The following CSMD1 variants were observed in gnomAD, a reference collection of about 807,000 sequenced individuals.
CSMD1 encodes CUB and sushi domain-containing protein 1.
CSMD1 carries 213 observed loss-of-function variants against 417.5 expected under a neutral mutation model. The ratio of observed to expected loss-of-function variants is 0.51; its 90% CI spans 0.46 to 0.57. The LOEUF (loss-of-function observed/expected upper bound fraction) is 0.57. Ranked by LOEUF, CSMD1 falls within the 20% of genes least tolerant of loss-of-function variation. The pLI is 0.00. For missense variants in CSMD1, 6,923 were observed against 4,529.7 expected, an observed-to-expected ratio of 1.53 and a Z score of -15.17; for synonymous variants, 2,862 against 1,736.8, an observed-to-expected ratio of 1.65 and a Z score of -16.11.
chr8:3,493,056 G>A lies in CSMD1; in HGVS notation c.1448+567C>T, dbSNP rs12676041. ...ACCTGTAATCCCCAACACTTTGGGA[G>A]GCTGAAGTGGGCAAATCACCAGAGG... On this transcript the variant is annotated intron_variant, in intron 11 of 69. Coordinates refer to ENST00000635120, the MANE Select transcript of CSMD1 (RefSeq NM_033225.6). Among the ~76,000 whole-genome samples the A allele has an allele frequency of 1.5e-4, 23 of 152,262 alleles. No homozygotes were observed. The East Asian group carries it at 3.9e-3, about 26-fold the overall frequency.
chr8:4,328,239 AC>A (rs1799668177), intron 3 of CSMD1, among the ~76,000 whole-genome samples: 2 of 134,280 alleles, frequency 1.5e-5, no homozygotes, highest in African/African-American at 5.9e-5. Context: ...TGCACTCAAT[AC>A]AATTTTTTTT....
At chr8:4,602,203 C>T (rs754213966) in intron 2 of CSMD1, among the ~76,000 whole-genome samples, 1 of 152,134 alleles carries the variant, frequency 6.6e-6, no homozygotes, top group East Asian at 1.9e-4. Flanking sequence ...GAGGCATTGC[C>T]TTTCCACCCT....
Position 3,574,870 on chromosome 8 carries a change from G to C in CSMD1, c.1344+75C>G, listed in dbSNP as rs1204754482. On this transcript the variant is annotated intron_variant, in intron 10 of 69. Transcript: ENST00000635120. ...GTGTAAGCACGGATAGCATTTGCTG[G>C]GCTGTTTGCTTCAACAATAGATCCT... 7 of 1,496,228 alleles carry C rather than the reference G, an allele frequency of 4.7e-6. No individual in the cohort carries two copies. In the African/African-American group the frequency reaches 9.8e-5, roughly 21 times the overall value. The allele number at this position is 1,496,228 out of a possible 1,614,324, so 92.7% of individuals were successfully genotyped here. A position where few individuals can be genotyped will look rare whatever the true frequency, so the allele number is the denominator to read the frequency against.
intron 2 of CSMD1, among the ~76,000 whole-genome samples, chr8:4,476,772 T>C (rs1800825092): frequency 6.6e-6 from 1 of 152,162 alleles, no homozygotes; most frequent in Non-Finnish European, 1.5e-5. Context: ...AAGGATTAGA[T>C]GGCACAGAGA....
intron 39 of CSMD1, among the ~76,000 whole-genome samples, chr8:3,157,188 G>A (rs1367430478): frequency 1.3e-5 from 2 of 151,998 alleles, no homozygotes; most frequent in Admixed American, 6.6e-5. Flanking sequence ...AGGTTTCTGA[G>A]TTGGGCTACA....
At chr8:3,447,526 G>C (rs1476305170) in intron 12 of CSMD1, among the ~76,000 whole-genome samples, 1 of 152,196 alleles carries the variant, frequency 6.6e-6, no homozygotes, top group Non-Finnish European at 1.5e-5. Flanking sequence ...TGTGCGGCTG[G>C]TGTGGGACAG....
chr8:4,571,694 T>G (rs1055082517), intron 2 of CSMD1, among the ~76,000 whole-genome samples: 1 of 152,220 alleles, frequency 6.6e-6, no homozygotes, highest in Admixed American at 6.5e-5. Context: ...GTTAATTTTC[T>G]GTCTCTTTGA....
At chr8:4,004,757 G>C (rs1046709875) in intron 4 of CSMD1, among the ~76,000 whole-genome samples, 3 of 151,880 alleles carry the variant, frequency 2.0e-5, no homozygotes, top group Non-Finnish European at 2.9e-5. Context: ...GTTTTGTTTT[G>C]TTTTTGAGAT....
At chr8:4,924,079 G>C (rs1806689563) in intron 1 of CSMD1, among the ~76,000 whole-genome samples, 1 of 152,158 alleles carries the variant, frequency 6.6e-6, no homozygotes. Context: ...TGATGAACAA[G>C]ACAAGTTTCT....
chr8:3,230,475 A>G (rs1309094245), intron 26 of CSMD1, among the ~76,000 whole-genome samples: 2 of 145,132 alleles, frequency 1.4e-5, no homozygotes, highest in African/African-American at 5.1e-5. Context: ...GATGAAATAT[A>G]TCAAGGGTTT....
intron 12 of CSMD1, among the ~76,000 whole-genome samples, chr8:3,446,424 C>G (rs901117578): frequency 6.6e-6 from 1 of 152,108 alleles, no homozygotes; most frequent in Non-Finnish European, 1.5e-5. Context: ...TACAATGTAT[C>G]CTGACAAAAA....
intron 7 of CSMD1, among the ~76,000 whole-genome samples, chr8:3,671,544 TGATCATATATATGATC>T (rs1344169046): frequency 0.34 from 4,701 of 13,818 alleles, 703 homozygotes; most frequent in East Asian, 0.51. Flanking sequence ...TATATATATA[TGATCATATATATGATC>T]ATATATATAT....
chr8:3,674,147 A>G (rs1256659813), intron 7 of CSMD1, among the ~76,000 whole-genome samples: 2 of 152,188 alleles, frequency 1.3e-5, no homozygotes, highest in South Asian at 2.1e-4. Flanking sequence ...CCATTTGTCA[A>G]TGTTGAGCAA....
At chr8:4,562,121 G>C (rs537380404) in intron 2 of CSMD1, among the ~76,000 whole-genome samples, 1 of 152,296 alleles carries the variant, frequency 6.6e-6, no homozygotes, top group South Asian at 2.1e-4. Flanking sequence ...AAGAGTGTAG[G>C]AAAAGCTGCA....
At chr8:3,683,209 T>C (rs904332190) in intron 7 of CSMD1, among the ~76,000 whole-genome samples, 12 of 151,118 alleles carry the variant, frequency 7.9e-5, no homozygotes, top group Non-Finnish European at 1.5e-4. Context: ...TACATATAAA[T>C]ATATAAAATT....
chr8:3,783,362 C>A (rs897521227), intron 5 of CSMD1, among the ~76,000 whole-genome samples: 1 of 152,228 alleles, frequency 6.6e-6, no homozygotes, highest in Non-Finnish European at 1.5e-5. Flanking sequence ...GTGAGCAAAG[C>A]ACCAGGAAGC....
intron 3 of CSMD1, among the ~76,000 whole-genome samples, chr8:4,234,784 C>A (rs940821449): frequency 6.6e-6 from 1 of 152,066 alleles, no homozygotes; most frequent in African/African-American, 2.4e-5. Context: ...GCTAACTTGC[C>A]CCCAGATAAT....
chr8:3,950,159 G>A (rs1257031625), intron 5 of CSMD1, among the ~76,000 whole-genome samples: 1 of 152,128 alleles, frequency 6.6e-6, no homozygotes. Context: ...CTGACTTACA[G>A]AAGAAAGGTA....
chr8:3,610,217 T>C (rs1801822660), intron 8 of CSMD1, among the ~76,000 whole-genome samples: 3 of 152,136 alleles, frequency 2.0e-5, no homozygotes, highest in African/African-American at 7.2e-5. Context: ...TACTATCCCA[T>C]GGAACATAAA....
Sources: allele counts gnomAD v4.1 joint callset (sites outside exome capture counted in the v4.1 genomes callset), GRCh38; gene constraint gnomAD v4.1.1; transcripts MANE v1.5; gene names NCBI Gene and HGNC (gene_info 2026-07-23, HGNC 2026-07-21).